Variants in SMAD7 observed in about 807,000 individuals in gnomAD.
The protein encoded by SMAD7 is MAD (mothers against decapentaplegic, Drosophila) homolog 7.
Under a neutral mutation model 38.7 loss-of-function variants are expected in SMAD7, and 8 were observed. The ratio of observed to expected loss-of-function variants is 0.21; its 90% CI spans 0.12 to 0.37. The LOEUF is 0.37. Ranked by LOEUF, SMAD7 falls within the 10% of genes least tolerant of loss-of-function variation. The probability of loss-of-function intolerance (pLI) is 1.00; values close to 1 mark genes in which losing one functional copy is unlikely to be tolerated. For synonymous variants in SMAD7, 327 were observed against 265.1 expected, an observed-to-expected ratio of 1.23 and a Z score of -2.27; for missense variants, 477 against 577.9, an observed-to-expected ratio of 0.83 and a Z score of 1.79.
At chr18:48,935,407 A>G (rs2070052992) in intron 3 of SMAD7, among the ~76,000 whole-genome samples, 1 of 151,946 alleles carries the variant, frequency 6.6e-6, no homozygotes. Context: ...GCCAGTGGTG[A>G]CCTCCCTGTG....
intron 3 of SMAD7, among the ~76,000 whole-genome samples, chr18:48,930,485 T>G (rs1245410718): frequency 2.6e-5 from 4 of 152,334 alleles, no homozygotes; most frequent in Middle Eastern, 3.4e-3. Flanking sequence ...CACGGCCAGC[T>G]GCTCTGTGCT....
chr18:48,937,028 G>C (rs1458345162), intron 3 of SMAD7, among the ~76,000 whole-genome samples: 1 of 151,536 alleles, frequency 6.6e-6, no homozygotes. Flanking sequence ...GCAGTGACTC[G>C]AGATCCTGCC....
At chr18:48,948,281 C>A (rs564707755) in intron 2 of SMAD7, 103 bp downstream of exon 2, 3 of 711,226 alleles carry the variant, frequency 4.2e-6, no homozygotes, top group Non-Finnish European at 7.0e-6. Context: ...CAACGTGAAG[C>A]CCAGCACCTC....
Position 48,922,280 on chromosome 18 carries a change from G to A in SMAD7, c.743-370C>T, listed in dbSNP as rs376030683. Among the ~76,000 whole-genome samples the A allele has an allele frequency of 1.8e-4, 28 of 152,290 alleles. No individual in the cohort carries two copies. In the East Asian group the frequency reaches 3.9e-3, roughly 21 times the overall value. ...TAGGGCCTCAAAAAGCCTCAGCAAC[G>A]TCCTGGAGTTACAGATCTTTCAACT... On this transcript the variant is annotated intron_variant, in intron 3 of 3. Transcript: ENST00000262158.
chr18:48,948,358 G>C, intron 2 of SMAD7, 26 bp downstream of exon 2: 1 of 1,523,282 alleles, frequency 6.6e-7, no homozygotes, highest in Non-Finnish European at 9.0e-7. Context: ...AAGATAAGCA[G>C]GATATTTTAA....
rs2070250518 is a variant in SMAD7 at position 48,950,431 on chromosome 18, C to G, written c.-7G>C. ...ATCGTTTGGTCCTGAACATGCGGGG[C>G]GAGGAGGCGAGGAGAAAAGTCGTTT... On this transcript the variant is annotated 5_prime_UTR_variant, in exon 1 of 4. Transcript: ENST00000262158. 6.5e-7 allele frequency: 1 copy of G among 1,543,670 alleles called. No homozygotes were observed. The highest frequency in any genetic ancestry group is 1.2e-5 in the South Asian group (1 of 83,194).
At chr18:48,926,028 G>A (rs1316312205) in intron 3 of SMAD7, among the ~76,000 whole-genome samples, 1 of 152,256 alleles carries the variant, frequency 6.6e-6, no homozygotes, top group Non-Finnish European at 1.5e-5. Flanking sequence ...TTATAGGCGT[G>A]AGCCGCCGCA....
intron 3 of SMAD7, among the ~76,000 whole-genome samples, chr18:48,941,246 C>T (rs1228713704): frequency 6.6e-6 from 1 of 152,152 alleles, no homozygotes; most frequent in Non-Finnish European, 1.5e-5. Context: ...AAGCCCCCTC[C>T]CTTCTCTAGG....
chr18:48,928,838 C>T (rs1054749808), intron 3 of SMAD7, among the ~76,000 whole-genome samples: 2 of 152,136 alleles, frequency 1.3e-5, no homozygotes, highest in Non-Finnish European at 2.9e-5. Context: ...GCATTTATCT[C>T]GCCATGGAGA....
chr18:48,922,007 C>T, intron 3 of SMAD7, 97 bp from the exon 4 acceptor site: 1 of 938,118 alleles, frequency 1.1e-6, no homozygotes, highest in Non-Finnish European at 1.6e-6. Context: ...GTCACCAGCT[C>T]ATCTCTCAGG....
chr18:48,921,253 C>T lies in SMAD7; in HGVS notation c.*119G>A. On this transcript the variant is annotated 3_prime_UTR_variant, in exon 4 of 4. Transcript: ENST00000262158. This position sits in a 1 kb window ranked among gnomAD's most constrained non-coding sequence, Gnocchi z 6.4. Reference sequence around the variant, plus strand: ...GAGAAGAAGAAAACCAACCAACAAACAAAAAAAAAACGACCAAAGAGTTTG... The same window carrying T: ...GAGAAGAAGAAAACCAACCAACAAATAAAAAAAAAACGACCAAAGAGTTTG... The T allele has an allele frequency of 1.3e-6, 1 of 780,408 alleles. No homozygotes were observed. Among genetic ancestry groups the T allele is most frequent in the Middle Eastern group, 4.3e-4 (1 of 2,324 alleles). 48.3% of individuals were successfully genotyped at this position (780,408 alleles called of 1,614,324 possible). A position where few individuals can be genotyped will look rare whatever the true frequency, so the allele number is the denominator to read the frequency against.
chr18:48,937,523 T>C (rs2070084836), intron 3 of SMAD7, among the ~76,000 whole-genome samples: 1 of 152,174 alleles, frequency 6.6e-6, no homozygotes, highest in South Asian at 2.1e-4. Context: ...CCTGCCGGAC[T>C]GCCTCATTCT....
intron 3 of SMAD7, among the ~76,000 whole-genome samples, chr18:48,922,449 C>T (rs6507875): frequency 6.6e-6 from 1 of 151,760 alleles, no homozygotes; most frequent in East Asian, 1.9e-4. Flanking sequence ...ACCACCTATG[C>T]GATGGTCTCT....
At chr18:48,943,779 A>G (rs1307553452) in intron 2 of SMAD7, among the ~76,000 whole-genome samples, 1 of 152,156 alleles carries the variant, frequency 6.6e-6, no homozygotes, top group Non-Finnish European at 1.5e-5. Flanking sequence ...CAAGTAGCCC[A>G]TGGGAATCCT....
chr18:48,935,856 A>G (rs2070058616), intron 3 of SMAD7, among the ~76,000 whole-genome samples: 1 of 152,036 alleles, frequency 6.6e-6, no homozygotes, highest in East Asian at 1.9e-4. Flanking sequence ...AGTCGGGAGG[A>G]TCACTTGAGG....
intron 3 of SMAD7, among the ~76,000 whole-genome samples, chr18:48,931,483 G>A (rs117858386): frequency 6.6e-5 from 10 of 152,250 alleles, no homozygotes; most frequent in African/African-American, 2.4e-4. Context: ...TACAAATTGT[G>A]GTATAGCATG....
At chr18:48,932,236 C>G (rs1489920252) in intron 3 of SMAD7, among the ~76,000 whole-genome samples, 2 of 152,116 alleles carry the variant, frequency 1.3e-5, no homozygotes, top group Non-Finnish European at 2.9e-5. Flanking sequence ...CATGAGGTGA[C>G]TGGAAGGTGG....
In SMAD7 at chr18:48,950,576, G is replaced by T; in HGVS notation, c.-152C>A. On this transcript the variant is annotated 5_prime_UTR_variant, in exon 1 of 4. Coordinates refer to ENST00000262158, the MANE Select transcript of SMAD7 (RefSeq NM_005904.4). ...GCCCGGGCAGGAGCGGCGGCGGCCC[G>T]AGGGGCGCTCCGTGGCATGCGCCAG... The T allele has an allele frequency of 1.6e-6, 1 of 625,748 alleles. No homozygotes were observed. Among genetic ancestry groups the T allele is most frequent in the South Asian group, 4.1e-5 (1 of 24,226 alleles). The allele number at this position is 625,748 out of a possible 1,614,324, so 38.8% of individuals were successfully genotyped here. A position where few individuals can be genotyped will look rare whatever the true frequency, so the allele number is the denominator to read the frequency against.
At chr18:48,924,805 A>C (rs1438464724) in intron 3 of SMAD7, among the ~76,000 whole-genome samples, 1 of 152,186 alleles carries the variant, frequency 6.6e-6, no homozygotes, top group East Asian at 1.9e-4. Flanking sequence ...CACAAAAAAC[A>C]AGCTTTCCAG....
Sources: gnomAD v4.1 joint callset for allele counts (sites outside exome capture counted in the v4.1 genomes callset) on GRCh38, gnomAD v4.1.1 for gene constraint, Gnocchi (gnomAD v3.1) non-coding constraint, MANE v1.5 for transcripts, NCBI Gene and HGNC (gene_info 2026-07-23, HGNC 2026-07-21) for gene names.